Variants in SLC39A12 observed in about 807,000 individuals in gnomAD.
The protein encoded by SLC39A12 is solute carrier family 39 member 12.
Under a neutral mutation model 71.1 loss-of-function variants are expected in SLC39A12, and 63 were observed. That is an observed-to-expected ratio of 0.89 (90% CI 0.72 to 1.09). The LOEUF is 1.09. Ranked by LOEUF, SLC39A12 falls within the 50% of genes least tolerant of loss-of-function variation. The probability of loss-of-function intolerance (pLI) is 0.00; values close to 1 mark genes in which losing one functional copy is unlikely to be tolerated. For missense variants in SLC39A12, 892 were observed against 812.6 expected (o/e 1.10, Z -1.19); for synonymous variants, 351 against 301.3 (o/e 1.16, Z -1.71).
intron 12 of SLC39A12, among the ~76,000 whole-genome samples, chr10:18,020,801 A>AT (rs1836513380): frequency 6.6e-6 from 1 of 151,900 alleles, no homozygotes; most frequent in African/African-American, 2.4e-5. Flanking sequence ...TCCTTTGCTC[A>AT]TTTTTTAATG....
intron 4 of SLC39A12, among the ~76,000 whole-genome samples, chr10:17,974,529 T>C (rs1835055159): frequency 6.6e-6 from 1 of 152,232 alleles, no homozygotes; most frequent in African/African-American, 2.4e-5. Context: ...TGCAGACTTA[T>C]ACAGATATCT....
intron 12 of SLC39A12, among the ~76,000 whole-genome samples, chr10:18,037,687 C>T (rs1268002341): frequency 2.0e-5 from 3 of 152,030 alleles, no homozygotes; most frequent in Non-Finnish European, 2.9e-5. Context: ...GACTTTGTAG[C>T]CAGGACAACC....
At position 17,953,402 on chromosome 10, in the gene SLC39A12, A is replaced by G; in HGVS notation, c.126A>G (p.Gln42=). ...QDSRSRGSSG[Q]PADLLQVLSA... is the part of the protein sequence containing the mutation. ...GCAGAAGCCGTGGGAGTTCAGGCCA[A>G]CCGGCAGACCTGCTACAGGTTCTCT... is the stretch of plus-strand genomic sequence containing the variant. The change falls in exon 2 of 13, where the codon CAA becomes CAG. Residue 42 remains glutamine, a synonymous_variant. Transcript: ENST00000377369. 1 of 1,614,194 alleles carries G rather than the reference A, an allele frequency of 6.2e-7. No homozygotes were observed. Among genetic ancestry groups the G allele is most frequent in the Non-Finnish European group, 8.5e-7 (1 of 1,180,034 alleles).
intron 12 of SLC39A12, among the ~76,000 whole-genome samples, chr10:18,008,923 T>A (rs1564655569): frequency 6.6e-6 from 1 of 152,198 alleles, no homozygotes; most frequent in African/African-American, 2.4e-5. Flanking sequence ...AGAGGATTTC[T>A]TAAATCCAGC....
chr10:17,996,253 CTA>C (rs1835680269), intron 10 of SLC39A12, among the ~76,000 whole-genome samples: 1 of 114,332 alleles, frequency 8.7e-6, no homozygotes, highest in Non-Finnish European at 1.9e-5. Context: ...GATGTTTTTT[CTA>C]TGATTTTTTT....
chr10:17,953,776 C>G (rs909225188), intron 2 of SLC39A12, among the ~76,000 whole-genome samples: 6 of 152,134 alleles, frequency 3.9e-5, no homozygotes, highest in African/African-American at 1.2e-4. Context: ...TTTCTAGAAC[C>G]CTTCTGCATA....
In SLC39A12 at chr10:17,991,128, T is replaced by TC. The variant is rs760461246; in HGVS notation, c.1270-23_1270-22insC. ...TTATCTCCATCTTTCTCTCTGCCTT[T>TC]TTTTTTTTTTTTTCCCCTGAAGGTT... On this transcript the variant is annotated intron_variant, in intron 7 of 12. Coordinates refer to ENST00000377369, the MANE Select transcript of SLC39A12 (RefSeq NM_001145195.2). 2.2e-5 allele frequency: 31 copies of TC among 1,385,072 alleles called. No individual in the cohort carries two copies. The South Asian group carries it at 4.6e-4, about 21-fold the overall frequency. 85.8% of individuals were successfully genotyped at this position (1,385,072 alleles called of 1,614,324 possible).
Position 17,961,650 on chromosome 10 carries a change from G to A in SLC39A12, c.331G>A (p.Val111Ile). The A allele has an allele frequency of 6.2e-7, 1 of 1,613,998 alleles. No homozygotes were observed. The highest frequency in any genetic ancestry group is 8.5e-7 in the Non-Finnish European group (1 of 1,179,914). ...TGAAGATCAGCTTAGAGAAGAAGTG[G>A]TCCAGAGAGTTTCTCTTCTCCTTCT... Reference protein sequence around the residue: ...NFEDQLREEVVQRVSLLLLYY... With the variant: ...NFEDQLREEVIQRVSLLLLYY... The change falls in exon 3 of 13, where the codon GTC becomes ATC. Residue 111 changes from valine to isoleucine, a missense_variant. By Grantham distance (29) the Val-to-Ile change is conservative (BLOSUM62 3). Coordinates refer to ENST00000377369, the MANE Select transcript of SLC39A12 (RefSeq NM_001145195.2).
At chr10:17,968,561 A>G (rs922406196) in intron 4 of SLC39A12, among the ~76,000 whole-genome samples, 3 of 152,008 alleles carry the variant, frequency 2.0e-5, no homozygotes, top group African/African-American at 7.3e-5. Context: ...TCTCTCATTC[A>G]TTGTTTATCT....
In SLC39A12 at chr10:18,026,937, T is replaced by G. The variant is rs116971484; in HGVS notation, c.1948-15768T>G. ...TGTTTTGAATGTTGTCTTTTTTTAT[T>G]AAGTTCCTTAACATATTAATCATAA... is the stretch of plus-strand genomic sequence containing the variant. On this transcript the variant is annotated intron_variant, in intron 12 of 12. Coordinates refer to ENST00000377369, the MANE Select transcript of SLC39A12 (RefSeq NM_001145195.2). Among the ~76,000 whole-genome samples, 25 of 152,336 alleles carry G rather than the reference T, an allele frequency of 1.6e-4. No homozygotes were observed. In the East Asian group the frequency reaches 4.8e-3, roughly 29 times the overall value.
chr10:17,969,699 T>G (rs1324719430), intron 4 of SLC39A12, among the ~76,000 whole-genome samples: 1 of 152,200 alleles, frequency 6.6e-6, no homozygotes, highest in East Asian at 1.9e-4. Flanking sequence ...TAATTCCTGG[T>G]GAGATGAGTA....
At chr10:18,009,132 C>A (rs1435916533) in intron 12 of SLC39A12, among the ~76,000 whole-genome samples, 1 of 152,128 alleles carries the variant, frequency 6.6e-6, no homozygotes, top group Non-Finnish European at 1.5e-5. Flanking sequence ...TGTTTCAAAC[C>A]TTTAGGCATT....
rs376537497 is a variant in SLC39A12 at position 17,967,165 on chromosome 10, G to T, written c.751+1475G>T. Among the ~76,000 whole-genome samples, 5 of 152,124 alleles carry T rather than the reference G, an allele frequency of 3.3e-5. No individual in the cohort carries two copies. The East Asian group carries it at 5.8e-4, about 18-fold the overall frequency. ...TTTTGTTGAAAAACAAAGGGGGTTG[G>T]TTTTCATATGGAGTTTGCTGATTGC... On this transcript the variant is annotated intron_variant, in intron 4 of 12. Coordinates refer to ENST00000377369, the MANE Select transcript of SLC39A12 (RefSeq NM_001145195.2).
At chr10:18,037,398 A>C (rs759498565) in intron 12 of SLC39A12, among the ~76,000 whole-genome samples, 1 of 145,000 alleles carries the variant, frequency 6.9e-6, no homozygotes, top group Non-Finnish European at 1.5e-5. Context: ...TTTCAGATAG[A>C]AACAGTGAAT....
At chr10:18,041,401 C>A (rs1392335265) in intron 12 of SLC39A12, among the ~76,000 whole-genome samples, 1 of 151,184 alleles carries the variant, frequency 6.6e-6, no homozygotes, top group African/African-American at 2.4e-5. Context: ...GAGGCTGAGG[C>A]AGGAGAATTG....
intron 12 of SLC39A12, among the ~76,000 whole-genome samples, chr10:18,042,044 C>T (rs1201196032): frequency 6.6e-6 from 1 of 151,792 alleles, no homozygotes; most frequent in African/African-American, 2.4e-5. Context: ...CTTACATCAA[C>T]CTGTGCATAT....
chr10:18,015,924 A>G (rs1311469478), intron 12 of SLC39A12, among the ~76,000 whole-genome samples: 1 of 152,052 alleles, frequency 6.6e-6, no homozygotes, highest in Non-Finnish European at 1.5e-5. Context: ...CAGCAAAACT[A>G]CTCAGAAGGT....
chr10:17,965,146 G>A (rs1834790965), intron 3 of SLC39A12, among the ~76,000 whole-genome samples: 1 of 152,098 alleles, frequency 6.6e-6, no homozygotes, highest in African/African-American at 2.4e-5. Flanking sequence ...GGTGGAGGTT[G>A]CAGTGAGTCA....
chr10:18,028,346 T>G (rs889930173), intron 12 of SLC39A12, among the ~76,000 whole-genome samples: 1 of 152,258 alleles, frequency 6.6e-6, no homozygotes, highest in African/African-American at 2.4e-5. Flanking sequence ...TTCTTCAGTG[T>G]GTATATTTAT....
Sources: allele counts gnomAD v4.1 joint callset (sites outside exome capture counted in the v4.1 genomes callset), GRCh38; gene constraint gnomAD v4.1.1; transcripts MANE v1.5; gene names NCBI Gene and HGNC (gene_info 2026-07-23, HGNC 2026-07-21).